Variants in NUP98 observed in about 807,000 individuals in gnomAD.
NUP98 encodes the protein nuclear pore complex protein Nup98-Nup96.
Under a neutral mutation model 191.9 loss-of-function variants are expected in NUP98, and 26 were observed. That is an observed-to-expected ratio of 0.14 (90% CI 0.10 to 0.19). NUP98 has a LOEUF of 0.19. NUP98 is among the 10% of genes least tolerant of loss of function. The pLI, the probability that NUP98 is intolerant of heterozygous loss-of-function variation, is 1.00. For synonymous variants in NUP98, 808 were observed against 778.4 expected, an observed-to-expected ratio of 1.04 and a Z score of -0.63; for missense variants, 1,941 against 2,178.8, an observed-to-expected ratio of 0.89 and a Z score of 2.17.
At chr11:3,763,264 A>C (rs577753905) in intron 8 of NUP98, among the ~76,000 whole-genome samples, 1 of 152,288 alleles carries the variant, frequency 6.6e-6, no homozygotes, top group South Asian at 2.1e-4. Context: ...ACAGCTCCTG[A>C]ATGGTAGGAA....
At chr11:3,696,292 A>G (rs2134081010) in intron 25 of NUP98, among the ~76,000 whole-genome samples, 1 of 152,364 alleles carries the variant, frequency 6.6e-6, no homozygotes, top group African/African-American at 2.4e-5. Flanking sequence ...ACTTGGGGTC[A>G]GGAGTTCGAG....
chr11:3,751,311 T>C (rs2080742259), intron 11 of NUP98, among the ~76,000 whole-genome samples: 1 of 152,120 alleles, frequency 6.6e-6, no homozygotes, highest in Non-Finnish European at 1.5e-5. Context: ...TGAGCCGAGA[T>C]TGTGCCATTG....
At chr11:3,718,465 G>A (rs2079265783) in intron 18 of NUP98, among the ~76,000 whole-genome samples, 1 of 151,974 alleles carries the variant, frequency 6.6e-6, no homozygotes, top group Non-Finnish European at 1.5e-5. Flanking sequence ...GAACCCAGGG[G>A]GCAGAGGTTG....
chr11:3,719,390 C>A, intron 18 of NUP98, 22 bp downstream of exon 18: 2 of 1,561,032 alleles, frequency 1.3e-6, no homozygotes, highest in African/African-American at 2.8e-5. Flanking sequence ...TGATAATTTT[C>A]TGTATGTACA....
chr11:3,702,200 C>T (rs1011918200), intron 23 of NUP98, among the ~76,000 whole-genome samples: 2 of 151,394 alleles, frequency 1.3e-5, no homozygotes, highest in African/African-American at 4.9e-5. Context: ...ATCGTGCCAC[C>T]GCACCCCAGC....
chr11:3,797,420 G>T lies in NUP98; in HGVS notation c.-49C>A, dbSNP rs1043558157. 8 of 404,246 alleles carry T rather than the reference G, an allele frequency of 2.0e-5. No individual in the cohort carries two copies. Among genetic ancestry groups the T allele is most frequent in the Non-Finnish European group, 2.6e-5 (6 of 229,178 alleles). 25.0% of individuals were successfully genotyped at this position (404,246 alleles called of 1,614,324 possible). On this transcript the variant is annotated 5_prime_UTR_variant, in exon 1 of 33. Coordinates refer to ENST00000324932, the MANE Select transcript of NUP98 (RefSeq NM_016320.5). ...CTTACCGCGGTTCGGTGGGGAAGGG[G>T]AAGTGTCAGGAGTCCCCTGCTGCCA...
At chr11:3,690,687 G>A (rs1010303730) in intron 28 of NUP98, among the ~76,000 whole-genome samples, 2 of 152,058 alleles carry the variant, frequency 1.3e-5, no homozygotes, top group Non-Finnish European at 2.9e-5. Flanking sequence ...AGGATTTGGA[G>A]CAACTAGAGA....
At chr11:3,698,726 A>C (rs903732716) in intron 25 of NUP98, among the ~76,000 whole-genome samples, 12 of 68,762 alleles carry the variant, frequency 1.7e-4, no homozygotes, top group African/African-American at 1.1e-3. Context: ...AAACTGTCTC[A>C]AAAAAAAAAA....
chr11:3,698,615 T>A (rs1382874505), intron 25 of NUP98, among the ~76,000 whole-genome samples: 1 of 149,528 alleles, frequency 6.7e-6, no homozygotes, highest in Non-Finnish European at 1.5e-5. Context: ...TAATCTCAGC[T>A]ACTTGGGAGG....
chr11:3,684,750 T>A lies in NUP98; in HGVS notation c.4676+1223A>T, dbSNP rs184504846. On this transcript the variant is annotated intron_variant, in intron 29 of 32. Coordinates refer to ENST00000324932, the MANE Select transcript of NUP98 (RefSeq NM_016320.5). ...AATCACCTTTAAATAGAAACTAATG[T>A]TATGCTTTCACAGGCCAAAAAAAAA... Among the ~76,000 whole-genome samples, 10 of 114,388 alleles carry A rather than the reference T, an allele frequency of 8.7e-5. No homozygotes were observed. The East Asian group carries it at 2.4e-3, about 28-fold the overall frequency. 75.0% of individuals were successfully genotyped at this position (114,388 alleles called of 152,430 possible).
At chr11:3,769,217 G>C (rs1005300347) in intron 7 of NUP98, among the ~76,000 whole-genome samples, 2 of 152,140 alleles carry the variant, frequency 1.3e-5, no homozygotes, top group Non-Finnish European at 2.9e-5. Flanking sequence ...TTGAGGACAG[G>C]AGTTCCTGAA....
intron 29 of NUP98, among the ~76,000 whole-genome samples, chr11:3,685,382 A>G (rs1394919255): frequency 6.6e-6 from 1 of 152,212 alleles, no homozygotes; most frequent in East Asian, 1.9e-4. Context: ...AAAGCAAGCC[A>G]GTGGACACAG....
intron 28 of NUP98, among the ~76,000 whole-genome samples, chr11:3,690,537 G>A (rs1400294993): frequency 6.6e-6 from 1 of 152,160 alleles, no homozygotes; most frequent in Non-Finnish European, 1.5e-5. Context: ...TGGGATTACA[G>A]GCGTGAGCCA....
chr11:3,706,526 C>T lies in NUP98; in HGVS notation c.2844G>A (p.Glu948=), dbSNP rs147238571. 2 of 1,614,144 alleles carry T rather than the reference C, an allele frequency of 1.2e-6. No individual in the cohort carries two copies. Among genetic ancestry groups the T allele is most frequent in the African/African-American group, 1.3e-5 (1 of 75,048 alleles). The part of the protein sequence containing the change: ...QEPVLDTMLE[E]SMPEDQEPVS... ...CAGGTTCCTGATCCTCAGGCATGCT[C>T]TCTTCTAACATGGTATCCAAAACTG... is the stretch of plus-strand genomic sequence containing the variant. The change falls in exon 21 of 33, where the codon GAG becomes GAA. Residue 948 remains glutamate (E), a synonymous_variant. Coordinates refer to ENST00000324932, the MANE Select transcript of NUP98 (RefSeq NM_016320.5).
chr11:3,757,655 TG>T (rs1377785046), intron 10 of NUP98, among the ~76,000 whole-genome samples: 1 of 147,698 alleles, frequency 6.8e-6, no homozygotes, highest in East Asian at 2.1e-4. Context: ...AAAAATTAGC[TG>T]GGCGTGGTGG....
chr11:3,718,460 C>T (rs1322503922), intron 18 of NUP98, among the ~76,000 whole-genome samples: 1 of 151,982 alleles, frequency 6.6e-6, no homozygotes, highest in Non-Finnish European at 1.5e-5. Flanking sequence ...CGCTTGAACC[C>T]AGGGGGCAGA....
intron 16 of NUP98, 150 bp from the exon 17 acceptor site, chr11:3,720,975 A>AGTGTGAGT (rs1554891504): frequency 2.2e-5 from 7 of 323,534 alleles, no homozygotes; most frequent in Non-Finnish European, 2.8e-5. Context: ...GGGGTGTGTG[A>AGTGTGAGT]GTGTGTGTGT....
chr11:3,693,906 G>C (rs1191766564), intron 26 of NUP98, among the ~76,000 whole-genome samples: 2 of 152,138 alleles, frequency 1.3e-5, no homozygotes, highest in East Asian at 3.8e-4. Context: ...TAACCCAACA[G>C]CCATAAAATG....
Position 3,695,489 on chromosome 11 carries a change from T to A in NUP98, c.4127A>T (p.Asp1376Val), listed in dbSNP as rs1450603424. ...CAGAGCAAAGATGCGCAGTCTCTCATCCTGGATGAAGGAGTCTGCTTGGAG... is the reference window on the plus strand; with the variant it reads ...CAGAGCAAAGATGCGCAGTCTCTCAACCTGGATGAAGGAGTCTGCTTGGAG... Reference protein sequence around the residue: ...HQLQADSFIQDERLRIFALLA... With the variant: ...HQLQADSFIQVERLRIFALLA... The change falls in exon 26 of 33, where the codon GAT (aspartate) becomes GTT (valine). Residue 1376 changes from aspartate to valine, a missense_variant. Asp to Val is a radical substitution (Grantham distance 152, BLOSUM62 -3). Around this residue, in one of 6 missense-constraint regions of NUP98, gnomAD observed 1,030 missense variants for 1,115.8 expected, o/e 0.92. Coordinates refer to ENST00000324932, the MANE Select transcript of NUP98 (RefSeq NM_016320.5). 1.0e-5 allele frequency: 16 copies of A among 1,606,016 alleles called. No homozygotes were observed. The highest frequency in any genetic ancestry group is 1.3e-5 in the Non-Finnish European group (15 of 1,175,868).
Sources: allele counts gnomAD v4.1 joint callset (sites outside exome capture counted in the v4.1 genomes callset), GRCh38; gene constraint gnomAD v4.1.1; regional missense constraint gnomAD v4.1.1; transcripts MANE v1.5; gene names NCBI Gene and HGNC (gene_info 2026-07-23, HGNC 2026-07-21).